EMC1: variants seen among roughly 807,000 people sequenced by gnomAD.
The protein encoded by EMC1 is KIAA0090.
In EMC1, 103 loss-of-function variants were observed where a neutral mutation model predicts 128.8. That is an observed-to-expected ratio of 0.80 (90% CI 0.68 to 0.94). The LOEUF is 0.94. Ranked by LOEUF, EMC1 falls within the 40% of genes least tolerant of loss-of-function variation. The pLI, the probability that EMC1 is intolerant of heterozygous loss-of-function variation, is 0.00. For synonymous variants in EMC1, 442 were observed against 490.4 expected, an observed-to-expected ratio of 0.90 and a Z score of 1.30; for missense variants, 1,083 against 1,250.6, an observed-to-expected ratio of 0.87 and a Z score of 2.02.
rs2093597561 is a variant in EMC1 at position 19,240,360 on chromosome 1, G to C, written c.723C>G (p.Ser241Arg). ...GAGCCAAAGTTTGGAGGGAACGTGAGCTCGGGTCAGGACACACCAGGACAG... is the reference window on the plus strand; with the variant it reads ...GAGCCAAAGTTTGGAGGGAACGTGACCTCGGGTCAGGACACACCAGGACAG... ...DEAVLVCPDP[S>R]SRSLQTLALE... The change falls in exon 7 of 23, where the codon AGC (serine) becomes AGG (arginine). Residue 241 changes from serine to arginine, a missense_variant. Ser to Arg is a moderately radical substitution (Grantham distance 110). Around this residue, in one of 3 missense-constraint regions of EMC1, gnomAD observed 544 missense variants for 572.4 expected, o/e 0.95. Coordinates refer to ENST00000477853, the MANE Select transcript of EMC1 (RefSeq NM_015047.3). 1 of 1,614,130 alleles carries C rather than the reference G, an allele frequency of 6.2e-7. No homozygotes were observed. The highest frequency in any genetic ancestry group is 1.3e-5 in the African/African-American group (1 of 74,948).
chr1:19,237,489 T>C (rs2093574358), intron 11 of EMC1, among the ~76,000 whole-genome samples: 2 of 152,084 alleles, frequency 1.3e-5, no homozygotes, highest in African/African-American at 4.8e-5. Context: ...ACGCCATTCA[T>C]CCATGCTCTA....
intron 18 of EMC1, among the ~76,000 whole-genome samples, chr1:19,226,688 T>C (rs1282273279): frequency 1.3e-5 from 2 of 151,608 alleles, no homozygotes; most frequent in Non-Finnish European, 2.9e-5. Flanking sequence ...CCCGAGTAGC[T>C]GAGACCACAG....
intron 20 of EMC1, among the ~76,000 whole-genome samples, chr1:19,222,364 C>A (rs927009280): frequency 1.3e-5 from 2 of 152,026 alleles, no homozygotes; most frequent in African/African-American, 4.8e-5. Context: ...ATGATCACAC[C>A]ACTGCACTCC....
intron 13 of EMC1, 142 bp from the exon 14 acceptor site, chr1:19,233,277 T>C (rs1380467061): frequency 4.3e-6 from 3 of 699,764 alleles, no homozygotes; most frequent in African/African-American, 1.8e-5. Context: ...AGGGCAGTCC[T>C]GTATCTGATG....
intron 17 of EMC1, among the ~76,000 whole-genome samples, chr1:19,229,905 C>G (rs2093506950): frequency 6.6e-6 from 1 of 152,196 alleles, no homozygotes; most frequent in African/African-American, 2.4e-5. Context: ...CAAACCTAGA[C>G]TTCCAATCTA....
chr1:19,228,226 A>C (rs2093492362), intron 17 of EMC1, among the ~76,000 whole-genome samples: 2 of 150,218 alleles, frequency 1.3e-5, no homozygotes, highest in African/African-American at 4.9e-5. Context: ...AAAAAAAGAT[A>C]ATAAAGCCAG....
At chr1:19,225,380 G>A (rs554782140) in intron 18 of EMC1, among the ~76,000 whole-genome samples, 8 of 152,264 alleles carry the variant, frequency 5.3e-5, no homozygotes, top group South Asian at 2.1e-4. Flanking sequence ...GCCTGGGCAC[G>A]GTGGCTCCCG....
rs2093403522 is a variant in EMC1 at position 19,217,553 on chromosome 1, A to G, written c.*1750T>C. ...AAGCACCTGCTTTGAGGTAACTTTG[A>G]TTACAGCTGAAATACAGGGAATTTT... is the stretch of plus-strand genomic sequence containing the variant. On this transcript the variant is annotated 3_prime_UTR_variant, in exon 23 of 23. Coordinates refer to ENST00000477853, the MANE Select transcript of EMC1 (RefSeq NM_015047.3). The G allele has an allele frequency of 6.6e-6, 1 of 151,720 alleles. No individual in the cohort carries two copies. 9.4% of individuals were successfully genotyped at this position (151,720 alleles called of 1,614,324 possible).
intron 8 of EMC1, 43 bp downstream of exon 8, chr1:19,239,775 A>T (rs956474275): frequency 5.0e-6 from 8 of 1,595,716 alleles, no homozygotes; most frequent in Non-Finnish European, 6.9e-6. Flanking sequence ...CATGTCTTGG[A>T]GAGATCTCCT....
At position 19,243,644 on chromosome 1, in the gene EMC1, A is replaced by G; in HGVS notation, c.350T>C (p.Leu117Pro). 1.9e-6 allele frequency: 3 copies of G among 1,614,146 alleles called. No individual in the cohort carries two copies. Among genetic ancestry groups the G allele is most frequent in the Non-Finnish European group, 2.5e-6 (3 of 1,180,020 alleles). Residue 117 changes from leucine to proline, a missense_variant, in exon 4 of 23, where the codon CTG becomes CCG. Physicochemically the swap from Leu to Pro is moderately conservative, Grantham distance 98. This residue lies in a region of EMC1 where 544 missense variants were observed against 572.4 expected (regional missense o/e 0.95). Transcript: ENST00000477853. ...MRSWETNIGG[L>P]NWEITLDSGS... ...ACTGTCCAGGGTTATCTCCCAGTTC[A>G]GGCCCCCGATGTTAGTCTCCCAGGA...
chr1:19,222,615 GTCAC>G lies in EMC1; in HGVS notation c.2587+5_2587+8del, dbSNP rs768142042. 2.5e-6 allele frequency: 4 copies of G among 1,612,784 alleles called. No individual in the cohort carries two copies. Among genetic ancestry groups the G allele is most frequent in the Admixed American group, 1.7e-5 (1 of 59,988 alleles). ...ACCCAGCCATCCCAGAGGCTCCCCA[GTCAC>G]TCACTCAGCAGGTGTCGGCTGGTGA... On this transcript the variant is annotated splice_donor_5th_base_variant and intron_variant, in intron 20 of 22. Transcript: ENST00000477853.
chr1:19,219,788 C>G, intron 21 of EMC1, 90 bp from the exon 22 acceptor site: 1 of 1,460,382 alleles, frequency 6.8e-7, no homozygotes, highest in Non-Finnish European at 9.5e-7. Context: ...GGTTTCCAGG[C>G]TACATATCTA....
At chr1:19,237,756 G>A (rs2093576651) in intron 11 of EMC1, among the ~76,000 whole-genome samples, 1 of 152,208 alleles carries the variant, frequency 6.6e-6, no homozygotes, top group Non-Finnish European at 1.5e-5. Flanking sequence ...AGGAACAACC[G>A]CTTCATGAGA....
In EMC1 at chr1:19,241,116, T is replaced by C. The variant is rs557709698; in HGVS notation, c.536A>G (p.Tyr179Cys). ...ESDSIHYQMV[Y>C]SYGSGVVWAL... ...CCACACCACCCCAGAGCCGTAAGAA[T>C]ACACCATCTGGTAGTGGATGCTGTC... The change falls in exon 6 of 23, where the codon TAT (tyrosine) becomes TGT (cysteine). Residue 179 changes from tyrosine to cysteine, a missense_variant. Around this residue, in one of 3 missense-constraint regions of EMC1, gnomAD observed 544 missense variants for 572.4 expected, o/e 0.95. Transcript: ENST00000477853. The C allele has an allele frequency of 1.9e-6, 3 of 1,614,204 alleles. No homozygotes were observed. The African/African-American group carries it at 4.0e-5, about 22-fold the overall frequency.
intron 17 of EMC1, among the ~76,000 whole-genome samples, chr1:19,227,839 A>G (rs988642994): frequency 1.4e-4 from 21 of 152,040 alleles, no homozygotes; most frequent in African/African-American, 5.1e-4. Flanking sequence ...AAGACTCAAA[A>G]CAAAAAATAA....
Position 19,219,335 on chromosome 1 carries a change from G to A in EMC1, c.2950C>T (p.Gln984Ter), listed in dbSNP as rs1427612524. The change falls in exon 23 of 23, where the codon CAG (glutamine) becomes TAG (stop). Residue 984 changes from glutamine to a stop codon, truncating the protein, a stop_gained. Transcript: ENST00000477853. LOFTEE classifies it high-confidence loss of function. Reference sequence around the variant, plus strand: ...CAGGCCCGATTCAGGAGCTTCACCTGTGCCAGTCTCTTAGTGATCATGGTG... The same window carrying A: ...CAGGCCCGATTCAGGAGCTTCACCTATGCCAGTCTCTTAGTGATCATGGTG... ...FATMITKRLA[Q>*]VKLLNRAWR 6.2e-7 allele frequency: 1 copy of A among 1,614,042 alleles called. No homozygotes were observed. The highest frequency in any genetic ancestry group is 8.5e-7 in the Non-Finnish European group (1 of 1,180,022).
At chr1:19,249,260 C>T (rs920274679) in intron 1 of EMC1, among the ~76,000 whole-genome samples, 6 of 142,440 alleles carry the variant, frequency 4.2e-5, no homozygotes, top group Non-Finnish European at 9.2e-5. Context: ...TTTACATTTA[C>T]TCACCAACCA....
intron 21 of EMC1, 101 bp downstream of exon 21, chr1:19,220,663 T>G (rs1202522171): frequency 3.2e-6 from 3 of 926,006 alleles, no homozygotes; most frequent in African/African-American, 3.3e-5. Flanking sequence ...CCCCAGCCCC[T>G]AGCACAGCAT....
intron 12 of EMC1, among the ~76,000 whole-genome samples, chr1:19,235,722 A>T (rs994762046): frequency 6.6e-6 from 1 of 151,956 alleles, no homozygotes; most frequent in Non-Finnish European, 1.5e-5. Flanking sequence ...AAATAAAATA[A>T]AAATAAATAA....
Sources: gnomAD v4.1 joint callset for allele counts (sites outside exome capture counted in the v4.1 genomes callset) on GRCh38, gnomAD v4.1.1 for gene constraint, gnomAD v4.1.1 regional missense constraint, MANE v1.5 for transcripts, NCBI Gene and HGNC (gene_info 2026-07-23, HGNC 2026-07-21) for gene names.